Variants in CAPG observed in about 807,000 individuals in gnomAD.
CAPG encodes capping actin protein, gelsolin like.
CAPG carries 32 observed loss-of-function variants against 44.6 expected under a neutral mutation model. The ratio of observed to expected loss-of-function variants is 0.72; its 90% CI spans 0.54 to 0.96. The LOEUF (loss-of-function observed/expected upper bound fraction) is 0.96. Among genes scored for constraint, CAPG ranks in the 50% least tolerant of loss-of-function variants. The probability of loss-of-function intolerance (pLI) is 0.00; values close to 1 mark genes in which losing one functional copy is unlikely to be tolerated. For missense variants in CAPG, 412 were observed against 438.3 expected (o/e 0.94, Z 0.54); for synonymous variants, 175 against 179.6 (o/e 0.97, Z 0.20).
intron 2 of CAPG, 75 bp downstream of exon 2, chr2:85,402,048 G>A: frequency 1.2e-6 from 2 of 1,609,756 alleles, no homozygotes; most frequent in Non-Finnish European, 1.7e-6. Flanking sequence ...TGGGGATGAG[G>A]AGAGCAGTGG....
Position 85,401,309 on chromosome 2 carries a change from T to C in CAPG, c.372A>G (p.Ala124=). 6.2e-7 allele frequency: 1 copy of C among 1,614,092 alleles called. No homozygotes were observed. Among genetic ancestry groups the C allele is most frequent in the Non-Finnish European group, 8.5e-7 (1 of 1,180,002 alleles). Residue 124 remains alanine (A), a synonymous_variant, in exon 5 of 10, where the codon GCA becomes GCG. Coordinates refer to ENST00000263867, the MANE Select transcript of CAPG (RefSeq NM_001747.4). The stretch of plus-strand genomic sequence containing the variant: ...GGGCTCCTGTGGAGGTCTTGTGAAA[T>C]GCTGACTCCACACCACCTTCCTGCA... ...LKYQEGGVES[A]FHKTSTGAPA...
intron 1 of CAPG, among the ~76,000 whole-genome samples, chr2:85,405,891 G>A (rs955487632): frequency 3.1e-4 from 47 of 152,188 alleles, no homozygotes; most frequent in Non-Finnish European, 4.4e-4. Context: ...CCATCAGGGA[G>A]CGCTCAAGAA....
chr2:85,398,687 C>T lies in CAPG; in HGVS notation c.759+3G>A. 6.3e-7 allele frequency: 1 copy of T among 1,596,282 alleles called. No individual in the cohort carries two copies. The highest frequency in any genetic ancestry group is 8.5e-7 in the Non-Finnish European group (1 of 1,171,368). On this transcript the variant is annotated splice_donor_region_variant and intron_variant, in intron 7 of 9. Transcript: ENST00000263867. ...GGTCCCAGGGCAGGCTTGGGGGGCC[C>T]ACCTTATACAGAGCTGCGGCCTGGG...
intron 7 of CAPG, chr2:85,398,413 G>A: frequency 1.7e-6 from 1 of 588,990 alleles, no homozygotes. Context: ...ACAAAGAAAT[G>A]CACAGAATTC....
intron 7 of CAPG, chr2:85,398,397 C>T (rs1447967904): frequency 1.0e-5 from 6 of 586,852 alleles, no homozygotes; most frequent in Non-Finnish European, 1.8e-5. Flanking sequence ...AGGTGGATTC[C>T]AAATTACAAA....
intron 1 of CAPG, among the ~76,000 whole-genome samples, chr2:85,409,570 A>C (rs373638370): frequency 1.3e-4 from 20 of 152,112 alleles, no homozygotes; most frequent in African/African-American, 4.8e-4. Context: ...GAAATGAAAC[A>C]GCACCTCCAC....
chr2:85,405,876 T>C (rs1163795216), intron 1 of CAPG, among the ~76,000 whole-genome samples: 2 of 152,058 alleles, frequency 1.3e-5, no homozygotes, highest in Non-Finnish European at 2.9e-5. Context: ...TGCCCCAAGC[T>C]CAAGCCATCA....
At chr2:85,411,923 A>G (rs1687423154), upstream of CAPG, among the ~76,000 whole-genome samples, 1 of 151,786 alleles carries the variant, frequency 6.6e-6, no homozygotes, top group Non-Finnish European at 1.5e-5. Context: ...TTAGCCGGGC[A>G]TGGTCATGGG....
At position 85,398,670 on chromosome 2, in the gene CAPG, G is replaced by A. The variant is rs140838085; in HGVS notation, c.759+20C>T. 6,637 of 1,579,492 alleles carry A rather than the reference G, an allele frequency of 4.2e-3. 19 individuals are homozygous for A. Among genetic ancestry groups the A allele is most frequent in the Non-Finnish European group, 5.2e-3 (6,032 of 1,159,810 alleles). On this transcript the variant is annotated intron_variant, in intron 7 of 9. Transcript: ENST00000263867. Reference sequence around the variant, plus strand: ...CACCCTCCCTGCTGCCGGGTCCCAGGGCAGGCTTGGGGGGCCCACCTTATA... The same window carrying A: ...CACCCTCCCTGCTGCCGGGTCCCAGAGCAGGCTTGGGGGGCCCACCTTATA...
intron 1 of CAPG, among the ~76,000 whole-genome samples, chr2:85,407,164 C>T (rs1687202483): frequency 6.6e-6 from 1 of 151,972 alleles, no homozygotes; most frequent in Non-Finnish European, 1.5e-5. Flanking sequence ...CTCCTGACCT[C>T]CAGTGATTGC....
intron 2 of CAPG, 71 bp from the exon 3 acceptor site, chr2:85,402,028 G>T: frequency 6.2e-7 from 1 of 1,610,302 alleles, no homozygotes; most frequent in South Asian, 1.1e-5. Context: ...CAGGCCTGGC[G>T]ACTGCAGTCT....
intron 1 of CAPG, among the ~76,000 whole-genome samples, chr2:85,406,082 A>G (rs1018473269): frequency 1.3e-5 from 2 of 152,038 alleles, no homozygotes; most frequent in African/African-American, 4.8e-5. Flanking sequence ...TGAGCAGTTC[A>G]CTTGAGGTCA....
intron 1 of CAPG, among the ~76,000 whole-genome samples, chr2:85,407,506 A>C (rs1022962456): frequency 6.6e-6 from 1 of 151,958 alleles, no homozygotes; most frequent in African/African-American, 2.4e-5. Context: ...TGAGCTTAGG[A>C]GTTCAAGACC....
rs1358397378 is a variant in CAPG, at chr2:85,394,856, G to C, written c.*37C>G. 2 of 1,505,930 alleles carry C rather than the reference G, an allele frequency of 1.3e-6. No homozygotes were observed. Among genetic ancestry groups the C allele is most frequent in the Non-Finnish European group, 1.9e-6 (2 of 1,081,022 alleles). 93.3% of individuals were successfully genotyped at this position (1,505,930 alleles called of 1,614,324 possible). Reference sequence around the variant, plus strand: ...CAGAGAAGCAAGCAGGCAGGTGGTGGGGGGCAGGGGAGCATGGGGCAGGAA... The same window carrying C: ...CAGAGAAGCAAGCAGGCAGGTGGTGCGGGGCAGGGGAGCATGGGGCAGGAA... On this transcript the variant is annotated 3_prime_UTR_variant, in exon 10 of 10. Transcript: ENST00000263867.
At chr2:85,407,018 C>A (rs900071246) in intron 1 of CAPG, among the ~76,000 whole-genome samples, 1 of 151,560 alleles carries the variant, frequency 6.6e-6, no homozygotes, top group Non-Finnish European at 1.5e-5. Context: ...GCAACCTCTG[C>A]CTCCTGAGTT....
rs1035978746 is a variant in CAPG at position 85,401,317 on chromosome 2, C to G, written c.364G>C (p.Glu122Gln). The change falls in exon 5 of 10, where the codon GAG becomes CAG. Residue 122 changes from glutamate (E) to glutamine (Q), a missense_variant. Glu to Gln is a conservative substitution (Grantham distance 29). Transcript: ENST00000263867. The part of the protein sequence containing the change: ...RGLKYQEGGV[E>Q]SAFHKTSTGA... ...GTGGAGGTCTTGTGAAATGCTGACT[C>G]CACACCACCTTCCTGCAGCCCAGAC... The G allele has an allele frequency of 1.3e-5, 21 of 1,613,948 alleles. No homozygotes were observed. The highest frequency in any genetic ancestry group is 2.7e-5 in the African/African-American group (2 of 74,918).
chr2:85,399,080 T>A (rs1252220039), intron 6 of CAPG, 56 bp downstream of exon 6: 28 of 1,585,114 alleles, frequency 1.8e-5, no homozygotes, highest in Non-Finnish European at 2.4e-5. Flanking sequence ...CATCACCACC[T>A]CTCTTGGCCA....
In CAPG at chr2:85,401,328, T is replaced by C. The variant is rs1213862954; in HGVS notation, c.353A>G (p.Glu118Gly). 1 of 1,613,692 alleles carries C rather than the reference T, an allele frequency of 6.2e-7. No homozygotes were observed. Among genetic ancestry groups the C allele is most frequent in the African/African-American group, 1.3e-5 (1 of 75,030 alleles). Residue 118 changes from glutamate (E) to glycine (G), a missense_variant and splice_region_variant, in exon 5 of 10, where the codon GAA becomes GGA. Physicochemically the swap from Glu to Gly is moderately conservative, Grantham distance 98. Transcript: ENST00000263867. ...GTGAAATGCTGACTCCACACCACCTTCCTGCAGCCCAGACGGCCCATCTGA... is the reference window on the plus strand; with the variant it reads ...GTGAAATGCTGACTCCACACCACCTCCCTGCAGCCCAGACGGCCCATCTGA... ...SYFPRGLKYQEGGVESAFHKT... is the reference protein window; with the variant it reads ...SYFPRGLKYQGGGVESAFHKT...
chr2:85,398,752 C>A lies in CAPG; in HGVS notation c.697G>T (p.Gly233Cys). The change falls in exon 7 of 10, where the codon GGC becomes TGC. Residue 233 changes from glycine to cysteine, a missense_variant. By Grantham distance (159) the Gly-to-Cys change is radical. Coordinates refer to ENST00000263867, the MANE Select transcript of CAPG (RefSeq NM_001747.4). ...VLGPKPALKE[G>C]NPEEDLTADK... ...GCTGTGAGGTCTTCCTCAGGGTTGC[C>A]CTCCTTCAGAGCAGGCTTGGGGCCC... The A allele has an allele frequency of 2.5e-6, 4 of 1,607,380 alleles. No homozygotes were observed. The highest frequency in any genetic ancestry group is 3.4e-6 in the Non-Finnish European group (4 of 1,177,052).
Sources: allele counts gnomAD v4.1 joint callset (sites outside exome capture counted in the v4.1 genomes callset), GRCh38; gene constraint gnomAD v4.1.1; transcripts MANE v1.5; gene names NCBI Gene and HGNC (gene_info 2026-07-23, HGNC 2026-07-21).